The following ZNF277 variants were observed in gnomAD, a reference collection of about 807,000 sequenced individuals.
The protein encoded by ZNF277 is nuclear receptor-interacting factor 4.
ZNF277 carries 55 observed loss-of-function variants against 60.7 expected under a neutral mutation model. The observed-to-expected ratio is 0.91, with a 90% CI of 0.73 to 1.13. ZNF277 has a LOEUF of 1.13. Among genes scored for constraint, ZNF277 ranks in the 50% most tolerant of loss-of-function variants. The pLI, the probability that ZNF277 is intolerant of heterozygous loss-of-function variation, is 0.00. For synonymous variants in ZNF277, 178 were observed against 179.3 expected, an observed-to-expected ratio of 0.99 and a Z score of 0.06; for missense variants, 510 against 523.0, an observed-to-expected ratio of 0.98 and a Z score of 0.24.
intron 4 of ZNF277, among the ~76,000 whole-genome samples, chr7:112,298,780 A>G (rs950735211): frequency 6.6e-6 from 1 of 152,186 alleles, no homozygotes; most frequent in Non-Finnish European, 1.5e-5. Flanking sequence ...CGTTCTATTT[A>G]TGAGTAAAAT....
intron 1 of ZNF277, among the ~76,000 whole-genome samples, chr7:112,250,087 C>T (rs1791170379): frequency 6.6e-6 from 1 of 152,142 alleles, no homozygotes; most frequent in East Asian, 1.9e-4. Flanking sequence ...TCGCTGAATT[C>T]TTTTTCTCAG....
intron 1 of ZNF277, among the ~76,000 whole-genome samples, chr7:112,208,898 C>G (rs1022881001): frequency 6.6e-6 from 1 of 152,066 alleles, no homozygotes; most frequent in African/African-American, 2.4e-5. Flanking sequence ...GCCAGGAGGT[C>G]TCGATCTGCT....
At chr7:112,339,583 T>G (rs1292161633) in intron 9 of ZNF277, among the ~76,000 whole-genome samples, 1 of 152,180 alleles carries the variant, frequency 6.6e-6, no homozygotes, top group Admixed American at 6.5e-5. Flanking sequence ...TCTCCCAAAG[T>G]GCTGGGATTA....
At chr7:112,271,012 C>T (rs967515004) in intron 1 of ZNF277, among the ~76,000 whole-genome samples, 1 of 152,048 alleles carries the variant, frequency 6.6e-6, no homozygotes, top group African/African-American at 2.4e-5. Context: ...TTCATACATA[C>T]TGTTAGGATT....
At chr7:112,308,552 A>G (rs952724766) in intron 4 of ZNF277, among the ~76,000 whole-genome samples, 6 of 151,920 alleles carry the variant, frequency 3.9e-5, no homozygotes, top group Non-Finnish European at 8.8e-5. Context: ...CATGATATAT[A>G]TGAGGTACAA....
chr7:112,216,923 A>C (rs1272495200), intron 1 of ZNF277, among the ~76,000 whole-genome samples: 3 of 152,184 alleles, frequency 2.0e-5, no homozygotes, highest in Admixed American at 1.3e-4. Flanking sequence ...GACAATATGG[A>C]TTGATTATTA....
intron 7 of ZNF277, among the ~76,000 whole-genome samples, chr7:112,332,414 C>G (rs1793246450): frequency 6.6e-6 from 1 of 152,112 alleles, no homozygotes; most frequent in African/African-American, 2.4e-5. Flanking sequence ...AGTTACTTAT[C>G]CTGTGCATCA....
At chr7:112,234,483 C>T (rs767655173) in intron 1 of ZNF277, among the ~76,000 whole-genome samples, 106 of 152,168 alleles carry the variant, frequency 7.0e-4, no homozygotes, top group Admixed American at 4.6e-3. Context: ...GCTCCATCCT[C>T]ATGACCTAAA....
intron 1 of ZNF277, among the ~76,000 whole-genome samples, chr7:112,228,043 C>T (rs1360536780): frequency 6.6e-6 from 1 of 152,008 alleles, no homozygotes; most frequent in South Asian, 2.1e-4. Flanking sequence ...CAGGGCTACG[C>T]TCTCTTTGAA....
rs182807714 is a variant in ZNF277 at position 112,284,662 on chromosome 7, C to T, written c.92-2211C>T. 1.6e-4 allele frequency among the ~76,000 whole-genome samples: 25 copies of T among 152,230 alleles called. No homozygotes were observed. The East Asian group carries it at 1.7e-3, about 11-fold the overall frequency. The stretch of plus-strand genomic sequence containing the variant: ...GGGCTTATGTATTTTAAATATTCTC[C>T]GTACTGTCATGTATATCCTATGTGT... On this transcript the variant is annotated intron_variant, in intron 1 of 11. Coordinates refer to ENST00000361822, the MANE Select transcript of ZNF277 (RefSeq NM_021994.3).
intron 7 of ZNF277, among the ~76,000 whole-genome samples, chr7:112,334,735 A>G (rs1281071365): frequency 6.6e-6 from 1 of 152,198 alleles, no homozygotes; most frequent in Non-Finnish European, 1.5e-5. Context: ...ATTCAGAATG[A>G]TCAAATCACA....
intron 2 of ZNF277, among the ~76,000 whole-genome samples, chr7:112,291,368 G>A (rs966629330): frequency 2.0e-5 from 3 of 152,154 alleles, no homozygotes; most frequent in African/African-American, 7.2e-5. Flanking sequence ...ACAATTCTGT[G>A]AGACATGATT....
chr7:112,286,861 GGTC>G lies in ZNF277; in HGVS notation c.92-11_92-9del. On this transcript the variant is annotated splice_polypyrimidine_tract_variant and intron_variant, in intron 1 of 11. Transcript: ENST00000361822. ...TCTTTCTTTTTTTTTTTTTTTTTTT[GGTC>G]TATTCCAGACAGTAAGGATTGTATC... is the stretch of plus-strand genomic sequence containing the variant. 2 of 548,282 alleles carry G rather than the reference GGTC, an allele frequency of 3.6e-6. No homozygotes were observed. Among genetic ancestry groups the G allele is most frequent in the Non-Finnish European group, 4.9e-6 (2 of 407,376 alleles). The allele number at this position is 548,282 out of a possible 1,614,324, so 34.0% of individuals were successfully genotyped here. A position where few individuals can be genotyped will look rare whatever the true frequency, so the allele number is the denominator to read the frequency against.
rs747951579 is a variant in ZNF277, at chr7:112,341,005, C to G, written c.1143C>G (p.His381Gln). 6.2e-7 allele frequency: 1 copy of G among 1,604,106 alleles called. No homozygotes were observed. The highest frequency in any genetic ancestry group is 1.1e-5 in the South Asian group (1 of 87,504). The stretch of plus-strand genomic sequence containing the variant: ...GAACTCACATGGAAGAAACTAAACA[C>G]ACTTCGCTGCTCCCCGATAGAAAGA... Reference protein sequence around the residue: ...DLRTHMEETKHTSLLPDRKTW... With the variant: ...DLRTHMEETKQTSLLPDRKTW... The change falls in exon 11 of 12, where the codon CAC becomes CAG. Residue 381 changes from histidine (H) to glutamine (Q), a missense_variant. Transcript: ENST00000361822.
chr7:112,310,489 G>GAGAGAGAGAGAGAGAA (rs1305151299), intron 4 of ZNF277, among the ~76,000 whole-genome samples: 1 of 142,884 alleles, frequency 7.0e-6, no homozygotes, highest in African/African-American at 3.0e-5. Flanking sequence ...GTGTGTGTGT[G>GAGAGAGAGAGAGAGAA]TGTATGTATT....
At chr7:112,321,067 G>A (rs940619761) in intron 5 of ZNF277, among the ~76,000 whole-genome samples, 2 of 150,974 alleles carry the variant, frequency 1.3e-5, no homozygotes, top group East Asian at 1.9e-4. Flanking sequence ...GACTACAGGC[G>A]CCCGCAACCA....
At chr7:112,273,062 G>A (rs994062740) in intron 1 of ZNF277, among the ~76,000 whole-genome samples, 2 of 152,124 alleles carry the variant, frequency 1.3e-5, no homozygotes, top group South Asian at 2.1e-4. Flanking sequence ...CTTAGACACC[G>A]TGGCTGGTGT....
intron 1 of ZNF277, among the ~76,000 whole-genome samples, chr7:112,260,139 G>A (rs1367453826): frequency 2.6e-5 from 4 of 152,104 alleles, no homozygotes; most frequent in East Asian, 3.9e-4. Context: ...GGTGGTGTGC[G>A]CCTGTGGTCC....
At chr7:112,222,643 G>A (rs540465775) in intron 1 of ZNF277, among the ~76,000 whole-genome samples, 3 of 152,234 alleles carry the variant, frequency 2.0e-5, no homozygotes, top group African/African-American at 2.4e-5. Flanking sequence ...TTTTAGTTGT[G>A]TTGATCCTTT....
Sources: gnomAD v4.1 joint callset for allele counts (sites outside exome capture counted in the v4.1 genomes callset) on GRCh38, gnomAD v4.1.1 for gene constraint, MANE v1.5 for transcripts, NCBI Gene and HGNC (gene_info 2026-07-23, HGNC 2026-07-21) for gene names.